TIAM2: variants seen among roughly 807,000 people sequenced by gnomAD.
TIAM2 encodes the protein rho guanine nucleotide exchange factor TIAM2.
Under a neutral mutation model 152.9 loss-of-function variants are expected in TIAM2, and 80 were observed. The ratio of observed to expected loss-of-function variants is 0.52; its 90% CI spans 0.44 to 0.63. TIAM2 has a LOEUF of 0.63. Ranked by LOEUF, TIAM2 falls within the 30% of genes least tolerant of loss-of-function variation. The pLI is 0.00. For missense variants in TIAM2, 1,965 were observed against 2,120.1 expected (o/e 0.93, Z 1.44); for synonymous variants, 804 against 838.0 (o/e 0.96, Z 0.70).
chr6:155,083,376 A>T (rs1431333168), intron 1 of TIAM2, among the ~76,000 whole-genome samples: 5 of 147,550 alleles, frequency 3.4e-5, no homozygotes, highest in Non-Finnish European at 7.5e-5. Context: ...AAAGAGAGAG[A>T]GAGAGAGAGA....
chr6:155,169,509 T>A (rs540216652), intron 9 of TIAM2, among the ~76,000 whole-genome samples: 1 of 152,346 alleles, frequency 6.6e-6, no homozygotes, highest in South Asian at 2.1e-4. Context: ...TTTATACATC[T>A]CTATTCCTCA....
At chr6:155,110,332 T>TTTTTTTTTTTTTG (rs1244132833) in intron 2 of TIAM2, among the ~76,000 whole-genome samples, 1 of 137,448 alleles carries the variant, frequency 7.3e-6, no homozygotes, top group Non-Finnish European at 1.6e-5. Context: ...TTTTTTTTGT[T>TTTTTTTTTTTTTG]GTTCTTTCTT....
At chr6:155,118,372 G>C (rs1292421473) in intron 2 of TIAM2, among the ~76,000 whole-genome samples, 4 of 150,120 alleles carry the variant, frequency 2.7e-5, no homozygotes, top group Non-Finnish European at 5.9e-5. Flanking sequence ...GCCATTTTCT[G>C]TTCCCTGGAA....
At position 155,183,459 on chromosome 6, in the gene TIAM2, T is replaced by G; in HGVS notation, c.3023T>G (p.Leu1008Arg). The change falls in exon 14 of 27, where the codon CTG becomes CGG. Residue 1008 changes from leucine to arginine, a missense_variant. By Grantham distance (102) the Leu-to-Arg change is moderately radical. This residue lies in a region of TIAM2 where 935 missense variants were observed against 980.0 expected (regional missense o/e 0.95). Transcript: ENST00000682666. ...CCCCCTCCTAACCAGTCCCAACTGC[T>G]GGAGGAATTCCTGGATAACTTTAAA... ...LLPPPNQSQL[L>R]EEFLDNFKKN... The G allele has an allele frequency of 1.2e-6, 2 of 1,613,882 alleles. No individual in the cohort carries two copies. Among genetic ancestry groups the G allele is most frequent in the Non-Finnish European group, 1.7e-6 (2 of 1,179,948 alleles).
intron 3 of TIAM2, among the ~76,000 whole-genome samples, chr6:155,128,541 A>G (rs558365103): frequency 1.4e-4 from 22 of 152,256 alleles, no homozygotes; most frequent in Non-Finnish European, 3.1e-4. Flanking sequence ...GAATAAAGAT[A>G]CTTTCCCTAA....
chr6:155,234,218 T>C (rs1474508936), intron 15 of TIAM2, among the ~76,000 whole-genome samples: 2 of 152,172 alleles, frequency 1.3e-5, no homozygotes, highest in African/African-American at 4.8e-5. Context: ...TGCCCGTGTT[T>C]TTTATTCTGC....
chr6:155,254,144 T>A (rs1783854525), intron 25 of TIAM2, 84 bp downstream of exon 25: 2 of 1,393,686 alleles, frequency 1.4e-6, no homozygotes, highest in Non-Finnish European at 2.0e-6. Flanking sequence ...AGTGCCCTCC[T>A]GAATTTTGAT....
At position 155,253,961 on chromosome 6, in the gene TIAM2, C is replaced by T. The variant is rs1022786653; in HGVS notation, c.4226-12C>T. ...AAGTTGTAGACTCTTGTTTCCATTT[C>T]CTTTTACATAGGGACAGAAAATAAT... is the stretch of plus-strand genomic sequence containing the variant. On this transcript the variant is annotated splice_polypyrimidine_tract_variant and intron_variant, in intron 24 of 26. Transcript: ENST00000682666. 4.4e-6 allele frequency: 7 copies of T among 1,606,974 alleles called. No homozygotes were observed. Among genetic ancestry groups the T allele is most frequent in the Non-Finnish European group, 5.9e-6 (7 of 1,176,886 alleles).
chr6:155,176,758 G>A, intron 9 of TIAM2, 58 bp from the exon 10 acceptor site: 1 of 1,575,758 alleles, frequency 6.3e-7, no homozygotes, highest in Admixed American at 1.7e-5. Flanking sequence ...TTTGGCCGGT[G>A]GTTTCCTTCA....
chr6:155,055,049 T>A (rs1777411676), intron 1 of TIAM2, among the ~76,000 whole-genome samples: 1 of 152,176 alleles, frequency 6.6e-6, no homozygotes, highest in Non-Finnish European at 1.5e-5. Context: ...GATTTTTGGC[T>A]GTGGAACTGC....
intron 19 of TIAM2, among the ~76,000 whole-genome samples, chr6:155,246,107 G>A (rs1783312697): frequency 6.6e-6 from 1 of 151,442 alleles, no homozygotes; most frequent in Non-Finnish European, 1.5e-5. Context: ...TTAAGCCTGA[G>A]GAGCCACAAC....
At chr6:155,193,581 G>T (rs1781261881) in intron 14 of TIAM2, among the ~76,000 whole-genome samples, 1 of 152,080 alleles carries the variant, frequency 6.6e-6, no homozygotes, top group South Asian at 2.1e-4. Flanking sequence ...TATTTTCCAA[G>T]TAAAAATTGT....
Position 155,029,484 on chromosome 6 carries a change from A to AATATATACTATATATTATATATAAT in TIAM2, c.-209+33992_-209+33993insATATATACTATATATTATATATAAT, listed in dbSNP as rs1267863950. On this transcript the variant is annotated intron_variant, in intron 1 of 26. Transcript: ENST00000682666. The stretch of plus-strand genomic sequence containing the variant: ...ATATAATATATACTATAGTATATAT[A>AATATATACTATATATTATATATAAT]CTATAGTATATATTATATATAATAT... 1.5e-4 allele frequency among the ~76,000 whole-genome samples: 2 copies of AATATATACTATATATTATATATAAT among 13,778 alleles called. 1 individual carries two copies. Among genetic ancestry groups the AATATATACTATATATTATATATAAT allele is most frequent in the Non-Finnish European group, 2.8e-4 (2 of 7,130 alleles). 9.0% of individuals were successfully genotyped at this position (13,778 alleles called of 152,430 possible).
In TIAM2 at chr6:155,059,520, T is replaced by C. The variant is rs1169166474; in HGVS notation, c.-208-30769T>C. On this transcript the variant is annotated intron_variant, in intron 1 of 26. Coordinates refer to ENST00000682666, the MANE Select transcript of TIAM2 (RefSeq NM_012454.4). The stretch of plus-strand genomic sequence containing the variant: ...TAGCCGAGATCGGGTTTCGCCATGT[T>C]GGCCAGGGTAATCTTGAACTCCTGA... Among the ~76,000 whole-genome samples the C allele has an allele frequency of 3.3e-5, 5 of 152,152 alleles. No individual in the cohort carries two copies. In the East Asian group the frequency reaches 7.7e-4, roughly 23 times the overall value.
intron 22 of TIAM2, among the ~76,000 whole-genome samples, chr6:155,251,716 A>T (rs1231704936): frequency 6.6e-6 from 1 of 152,262 alleles, no homozygotes; most frequent in Non-Finnish European, 1.5e-5. Flanking sequence ...CAAAGAGTTT[A>T]AAAAAGCCAA....
At chr6:155,107,368 A>G (rs1778720739) in intron 2 of TIAM2, among the ~76,000 whole-genome samples, 1 of 152,210 alleles carries the variant, frequency 6.6e-6, no homozygotes, top group Admixed American at 6.5e-5. Flanking sequence ...TGTGCTTTCA[A>G]ACACCTATTG....
chr6:155,126,458 G>A (rs1176374743), intron 2 of TIAM2, among the ~76,000 whole-genome samples: 9 of 152,324 alleles, frequency 5.9e-5, no homozygotes, highest in East Asian at 3.9e-4. Context: ...TGGGCCAGGC[G>A]CGGTGGCTCA....
chr6:155,211,526 C>G (rs1160909593), intron 15 of TIAM2, among the ~76,000 whole-genome samples: 2 of 152,180 alleles, frequency 1.3e-5, no homozygotes, highest in African/African-American at 4.8e-5. Context: ...CAGAACTCCT[C>G]CATGACTTCT....
intron 13 of TIAM2, 79 bp downstream of exon 13, chr6:155,182,397 T>A: frequency 8.0e-7 from 1 of 1,255,468 alleles, no homozygotes; most frequent in Admixed American, 2.0e-5. Flanking sequence ...ATGTTTCTTC[T>A]TACAGTTTTG....
Sources: gnomAD v4.1 joint callset for allele counts (sites outside exome capture counted in the v4.1 genomes callset) on GRCh38, gnomAD v4.1.1 for gene constraint, gnomAD v4.1.1 regional missense constraint, MANE v1.5 for transcripts, NCBI Gene and HGNC (gene_info 2026-07-23, HGNC 2026-07-21) for gene names.